Variants in IL31RA observed in about 807,000 individuals in gnomAD.
The protein encoded by IL31RA is interleukin-31 receptor subunit alpha.
IL31RA carries 66 observed loss-of-function variants against 83.7 expected under a neutral mutation model. The ratio of observed to expected loss-of-function variants is 0.79; its 90% CI spans 0.65 to 0.97. The LOEUF is 0.97. IL31RA is among the 50% of genes least tolerant of loss of function. The probability of loss-of-function intolerance (pLI) is 0.00; values close to 1 mark genes in which losing one functional copy is unlikely to be tolerated. For missense variants in IL31RA, 798 were observed against 919.4 expected (o/e 0.87, Z 1.71); for synonymous variants, 325 against 329.0 (o/e 0.99, Z 0.13).
chr5:55,879,792 C>G (rs1165188543), intron 4 of IL31RA, among the ~76,000 whole-genome samples: 1 of 148,890 alleles, frequency 6.7e-6, no homozygotes, highest in African/African-American at 2.5e-5. Flanking sequence ...GCTACCTAGT[C>G]TGCCATTTTG....
the IL31RA span, among the ~76,000 whole-genome samples, chr5:55,841,711 C>G: frequency 6.6e-6 from 1 of 152,138 alleles, no homozygotes; most frequent in South Asian, 2.1e-4. Flanking sequence ...TGAGAGGATC[C>G]GGTGAGTTAG....
chr5:55,860,242 G>A (rs1246821269), intron 2 of IL31RA, among the ~76,000 whole-genome samples: 1 of 152,018 alleles, frequency 6.6e-6, no homozygotes, highest in East Asian at 1.9e-4. Context: ...GGTGGCTCAC[G>A]CTTGTAATCC....
chr5:55,901,679 G>C (rs1240452197), intron 8 of IL31RA, among the ~76,000 whole-genome samples: 1 of 151,480 alleles, frequency 6.6e-6, no homozygotes, highest in Non-Finnish European at 1.5e-5. Flanking sequence ...GCAATGGTGT[G>C]ATCTCAGCTC....
the IL31RA span, among the ~76,000 whole-genome samples, chr5:55,841,008 T>A: frequency 6.6e-6 from 1 of 152,152 alleles, no homozygotes; most frequent in Non-Finnish European, 1.5e-5. Context: ...ATCAAGTAAT[T>A]AACCTGGGAT....
chr5:55,896,564 C>T (rs1180598700), intron 7 of IL31RA, 135 bp downstream of exon 7: 8 of 494,158 alleles, frequency 1.6e-5, no homozygotes, highest in Non-Finnish European at 2.9e-5. Flanking sequence ...CCCTCCCCTC[C>T]CCTCCCCTCC....
chr5:55,855,391 C>G (rs1365742547), intron 1 of IL31RA, among the ~76,000 whole-genome samples: 1 of 151,820 alleles, frequency 6.6e-6, no homozygotes, highest in Admixed American at 6.6e-5. Context: ...CCTGGTTTGC[C>G]ATTCTTTAAA....
chr5:55,912,442 T>C (rs1749550722), intron 12 of IL31RA, among the ~76,000 whole-genome samples: 1 of 152,232 alleles, frequency 6.6e-6, no homozygotes, highest in African/African-American at 2.4e-5. Flanking sequence ...TGGTTTTGCA[T>C]GGCTGGATCC....
At chr5:55,868,984 T>A (rs2112365831) in intron 3 of IL31RA, 76 bp downstream of exon 3, 1 of 876,520 alleles carries the variant, frequency 1.1e-6, no homozygotes, top group Admixed American at 1.7e-5. Flanking sequence ...ATGATTCACA[T>A]CCCATATGAA....
chr5:55,898,850 C>G (rs1748627953), intron 7 of IL31RA, among the ~76,000 whole-genome samples: 2 of 151,920 alleles, frequency 1.3e-5, no homozygotes, highest in Admixed American at 6.6e-5. Flanking sequence ...ACAGCAAAAC[C>G]CTGTCTCTAC....
At chr5:55,914,672 C>G (rs1749684906) in intron 13 of IL31RA, among the ~76,000 whole-genome samples, 175 bp from the exon 14 acceptor site, 1 of 152,080 alleles carries the variant, frequency 6.6e-6, no homozygotes, top group African/African-American at 2.4e-5. Context: ...AATGTCACCC[C>G]CCAACACACA....
At chr5:55,850,733 C>T (rs117211043), upstream of IL31RA, among the ~76,000 whole-genome samples, 28 of 152,246 alleles carry the variant, frequency 1.8e-4, 1 homozygote, top group East Asian at 4.1e-3. Flanking sequence ...GAGGTATAGT[C>T]AATTCTCATT....
rs146445769 is a variant in IL31RA at position 55,910,630 on chromosome 5, G to A, written c.1600G>A (p.Gly534Arg). 1.1e-5 allele frequency: 17 copies of A among 1,613,992 alleles called. No homozygotes were observed. In the African/African-American group the frequency reaches 1.7e-4, roughly 16 times the overall value. ...GGTCATGGCCAGCACCAGTGCTGGG[G>A]GAACCAACGGGACCAGCATAAATTT... ...VQVMASTSAG[G>R]TNGTSINFKT... is the part of the protein sequence containing the mutation. Residue 534 changes from glycine to arginine, a missense_variant, in exon 12 of 15, where the codon GGA becomes AGA. Transcript: ENST00000652347.
chr5:55,893,098 T>A (rs528985901), intron 6 of IL31RA, among the ~76,000 whole-genome samples: 1 of 152,370 alleles, frequency 6.6e-6, no homozygotes, highest in South Asian at 2.1e-4. Flanking sequence ...CTGCCTATTT[T>A]ATTTTGGATT....
At chr5:55,853,194 C>A (rs1041637643) in intron 1 of IL31RA, 3 of 400,824 alleles carry the variant, frequency 7.5e-6, no homozygotes, top group African/African-American at 4.3e-5. Context: ...TCAGCTATTA[C>A]CACATTTGTA....
intron 10 of IL31RA, 118 bp from the exon 11 acceptor site, chr5:55,908,147 C>G: frequency 7.1e-7 from 1 of 1,410,706 alleles, no homozygotes. Flanking sequence ...CCTACTCAAC[C>G]CTCACCCGTC....
the IL31RA span, among the ~76,000 whole-genome samples, chr5:55,845,068 A>G: frequency 6.6e-6 from 1 of 152,106 alleles, no homozygotes; most frequent in Non-Finnish European, 1.5e-5. Flanking sequence ...TTTTATATTT[A>G]TAGTCTGATA....
At chr5:55,884,090 G>T (rs1340564646) in intron 5 of IL31RA, among the ~76,000 whole-genome samples, 2 of 152,070 alleles carry the variant, frequency 1.3e-5, no homozygotes, top group Non-Finnish European at 2.9e-5. Context: ...TTCTGGAAGC[G>T]CTGATTTAAG....
chr5:55,892,104 A>G (rs1251032658), intron 6 of IL31RA, among the ~76,000 whole-genome samples: 1 of 152,114 alleles, frequency 6.6e-6, no homozygotes, highest in Non-Finnish European at 1.5e-5. Context: ...GCCATTTTTC[A>G]GCCTAACAGT....
chr5:55,906,148 A>T lies in IL31RA; in HGVS notation c.1112A>T (p.Asp371Val). The change falls in exon 9 of 15, where the codon GAC becomes GTC. Residue 371 changes from aspartate to valine, a missense_variant. Asp to Val is a radical substitution (Grantham distance 152). Transcript: ENST00000652347. ...IEVMQACVAEDQLVVKWQSSA... is the reference protein window; with the variant it reads ...IEVMQACVAEVQLVVKWQSSA... Reference sequence around the variant, plus strand: ...GTCATGCAGGCCTGCGTTGCTGAGGACCAGCTAGTGGTGAAGTGGCAAAGC... The same window carrying T: ...GTCATGCAGGCCTGCGTTGCTGAGGTCCAGCTAGTGGTGAAGTGGCAAAGC... 3 of 1,613,704 alleles carry T rather than the reference A, an allele frequency of 1.9e-6. No homozygotes were observed. The highest frequency in any genetic ancestry group is 1.3e-5 in the African/African-American group (1 of 74,638).
Sources: allele counts gnomAD v4.1 joint callset (sites outside exome capture counted in the v4.1 genomes callset), GRCh38; gene constraint gnomAD v4.1.1; transcripts MANE v1.5; gene names NCBI Gene and HGNC (gene_info 2026-07-23, HGNC 2026-07-21).